Variants in OSBP2 observed in about 807,000 individuals in gnomAD.
OSBP2 encodes the protein oxysterol binding protein 2.
OSBP2 carries 66 observed loss-of-function variants against 96.0 expected under a neutral mutation model. That is an observed-to-expected ratio of 0.69 (90% CI 0.56 to 0.84). The LOEUF (loss-of-function observed/expected upper bound fraction) is 0.84, where lower values mean the gene tolerates loss of function less well. OSBP2 is among the 40% of genes least tolerant of loss of function. The pLI, the probability that OSBP2 is intolerant of heterozygous loss-of-function variation, is 0.00. For synonymous variants in OSBP2, 525 were observed against 520.9 expected, an observed-to-expected ratio of 1.01 and a Z score of -0.11; for missense variants, 1,038 against 1,222.7, an observed-to-expected ratio of 0.85 and a Z score of 2.25.
At chr22:30,849,331 T>G (rs1465556629) in intron 2 of OSBP2, among the ~76,000 whole-genome samples, 1 of 152,184 alleles carries the variant, frequency 6.6e-6, no homozygotes, top group Non-Finnish European at 1.5e-5. Flanking sequence ...CACTTTGTTT[T>G]CCAAAGTGAT....
chr22:30,708,478 ATTTTTTTTTTT>A (rs56361178), intron 1 of OSBP2, among the ~76,000 whole-genome samples: 9 of 63,458 alleles, frequency 1.4e-4, no homozygotes, highest in African/African-American at 2.0e-4. Context: ...AAGGATAAGG[ATTTTTTTTTTT>A]TTTTTTTTTT....
intron 1 of OSBP2, among the ~76,000 whole-genome samples, chr22:30,707,539 C>T (rs1415942810): frequency 6.6e-6 from 1 of 151,364 alleles, no homozygotes; most frequent in African/African-American, 2.4e-5. Context: ...ACAGTGAAAC[C>T]CCGTCTCTAC....
intron 2 of OSBP2, among the ~76,000 whole-genome samples, chr22:30,789,332 C>T (rs2090640897): frequency 6.6e-6 from 1 of 152,064 alleles, no homozygotes; most frequent in African/African-American, 2.4e-5. Context: ...AGAGAGGGGG[C>T]CTGAATCTGG....
intron 2 of OSBP2, among the ~76,000 whole-genome samples, chr22:30,742,268 T>C (rs77664646): frequency 0.11 from 16,599 of 151,840 alleles, 1,273 homozygotes; most frequent in African/African-American, 0.22. Flanking sequence ...CTGTCTGTAC[T>C]AAAGATACAA....
chr22:30,824,412 G>A (rs1480575874), intron 2 of OSBP2, among the ~76,000 whole-genome samples: 3 of 152,168 alleles, frequency 2.0e-5, no homozygotes, highest in Admixed American at 1.3e-4. Context: ...GGGGGAATAC[G>A]GGAGTTTGTC....
chr22:30,753,027 A>G (rs1188357625), intron 2 of OSBP2, among the ~76,000 whole-genome samples: 2 of 152,102 alleles, frequency 1.3e-5, no homozygotes, highest in Non-Finnish European at 2.9e-5. Flanking sequence ...TTTTAGGTTA[A>G]CTTTGGAATG....
intron 2 of OSBP2, among the ~76,000 whole-genome samples, chr22:30,809,802 C>G (rs1401094857): frequency 6.6e-6 from 1 of 152,064 alleles, no homozygotes; most frequent in African/African-American, 2.4e-5. Context: ...AGAGGTGTGG[C>G]TGGTCGAGGT....
Position 30,906,341 on chromosome 22 carries a change from C to T in OSBP2, c.*2C>T, listed in dbSNP as rs561905697. On this transcript the variant is annotated 3_prime_UTR_variant, in exon 14 of 14. Transcript: ENST00000332585. Reference sequence around the variant, plus strand: ...CATATGTGCCCCAACATCTTCTGAGCGCCACCCTTGCAACAAATACAGGCG... The same window carrying T: ...CATATGTGCCCCAACATCTTCTGAGTGCCACCCTTGCAACAAATACAGGCG... 17 of 1,598,628 alleles carry T rather than the reference C, an allele frequency of 1.1e-5. No individual in the cohort carries two copies. The South Asian group carries it at 1.8e-4, about 17-fold the overall frequency.
chr22:30,829,634 T>C (rs955084500), intron 2 of OSBP2, among the ~76,000 whole-genome samples: 1 of 152,238 alleles, frequency 6.6e-6, no homozygotes, highest in African/African-American at 2.4e-5. Flanking sequence ...CCTCTACTTA[T>C]TTGTAAACTG....
intron 2 of OSBP2, among the ~76,000 whole-genome samples, chr22:30,750,857 G>A (rs136347): frequency 0.059 from 9,053 of 152,262 alleles, 284 homozygotes; most frequent in Middle Eastern, 0.092. Flanking sequence ...CAATTCTCCT[G>A]CCTCAGCTTT....
At chr22:30,832,672 T>C (rs1431299325) in intron 2 of OSBP2, among the ~76,000 whole-genome samples, 1 of 152,208 alleles carries the variant, frequency 6.6e-6, no homozygotes, top group African/African-American at 2.4e-5. Flanking sequence ...CCAGGCTCTT[T>C]CTGTGATCAC....
intron 2 of OSBP2, among the ~76,000 whole-genome samples, chr22:30,782,110 C>T (rs2090526307): frequency 6.6e-6 from 1 of 152,132 alleles, no homozygotes; most frequent in Non-Finnish European, 1.5e-5. Context: ...TACGCCACTG[C>T]ACTCCAGCCA....
intron 2 of OSBP2, among the ~76,000 whole-genome samples, chr22:30,747,243 G>A (rs1414916957): frequency 6.6e-6 from 1 of 152,156 alleles, no homozygotes; most frequent in African/African-American, 2.4e-5. Flanking sequence ...TAAAGGGTAT[G>A]GGGTTTCTTT....
intron 2 of OSBP2, among the ~76,000 whole-genome samples, chr22:30,785,372 C>T (rs530805726): frequency 6.6e-6 from 1 of 151,866 alleles, no homozygotes; most frequent in Non-Finnish European, 1.5e-5. Context: ...AGTTTGAGAC[C>T]AGCCTGGCCA....
At position 30,695,537 on chromosome 22, in the gene OSBP2, T is replaced by TTG; in HGVS notation, c.629_630dup (p.Leu211CysfsTer36). On this transcript the variant is annotated frameshift_variant, in exon 1 of 14. Coordinates refer to ENST00000332585, the MANE Select transcript of OSBP2 (RefSeq NM_030758.4). LOFTEE classifies it high-confidence loss of function. The stretch of plus-strand genomic sequence containing the variant: ...CCGCTGGTTCGTGCTGGGCAATGGT[T>TTG]TGCTCTCTTACTACAGGTATGGAAG... 1 of 1,609,544 alleles carries TTG rather than the reference T, an allele frequency of 6.2e-7. No homozygotes were observed. Among genetic ancestry groups the TTG allele is most frequent in the Non-Finnish European group, 8.5e-7 (1 of 1,179,850 alleles).
intron 1 of OSBP2, among the ~76,000 whole-genome samples, chr22:30,739,531 G>A (rs1041798779): frequency 6.6e-6 from 1 of 152,050 alleles, no homozygotes; most frequent in Non-Finnish European, 1.5e-5. Context: ...CTGGAGTGTA[G>A]TGGCACCATT....
rs181256972 is a variant in OSBP2 at position 30,703,701 on chromosome 22, C to T, written c.644+8148C>T. Among the ~76,000 whole-genome samples, 510 of 152,220 alleles carry T rather than the reference C, an allele frequency of 3.4e-3. 5 individuals carry two copies. Among genetic ancestry groups the T allele is most frequent in the Non-Finnish European group, 5.3e-3 (360 of 68,016 alleles). ...ATGTTGGCCAGGCTGGTCTCAAATT[C>T]CTGACTTCAAGTGATCTGCCCGCCT... On this transcript the variant is annotated intron_variant, in intron 1 of 13. Coordinates refer to ENST00000332585, the MANE Select transcript of OSBP2 (RefSeq NM_030758.4).
intron 2 of OSBP2, among the ~76,000 whole-genome samples, chr22:30,746,857 G>A (rs764077132): frequency 2.6e-5 from 4 of 152,024 alleles, no homozygotes; most frequent in Admixed American, 6.6e-5. Flanking sequence ...AAACAAAGAC[G>A]TCACAAGAAA....
At chr22:30,896,582 A>G (rs1457238320) in intron 12 of OSBP2, among the ~76,000 whole-genome samples, 1 of 152,202 alleles carries the variant, frequency 6.6e-6, no homozygotes, top group African/African-American at 2.4e-5. Flanking sequence ...AAGCATTATC[A>G]ATGATTATAA....
Sources: gnomAD v4.1 joint callset for allele counts (sites outside exome capture counted in the v4.1 genomes callset) on GRCh38, gnomAD v4.1.1 for gene constraint, MANE v1.5 for transcripts, NCBI Gene and HGNC (gene_info 2026-07-23, HGNC 2026-07-21) for gene names.